The following EPB41L4A variants were observed in gnomAD, a reference collection of about 807,000 sequenced individuals.
EPB41L4A encodes the protein band 4.1-like protein 4A.
A neutral mutation model predicts 108.6 loss-of-function variants in EPB41L4A; 100 were observed. The ratio of observed to expected loss-of-function variants is 0.92; its 90% CI spans 0.78 to 1.09. EPB41L4A has a LOEUF of 1.09. Among genes scored for constraint, EPB41L4A ranks in the 50% least tolerant of loss-of-function variants. EPB41L4A has a pLI of 0.00. For synonymous variants in EPB41L4A, 319 were observed against 289.0 expected, an observed-to-expected ratio of 1.10 and a Z score of -1.05; for missense variants, 1,030 against 842.7, an observed-to-expected ratio of 1.22 and a Z score of -2.75.
At chr5:112,303,991 T>C (rs1754538722) in intron 2 of EPB41L4A, among the ~76,000 whole-genome samples, 1 of 151,898 alleles carries the variant, frequency 6.6e-6, no homozygotes, top group Non-Finnish European at 1.5e-5. Flanking sequence ...AGCAAGGTGG[T>C]AAGATCCAGC....
intron 17 of EPB41L4A, among the ~76,000 whole-genome samples, chr5:112,191,401 A>T (rs1328265514): frequency 6.6e-6 from 1 of 152,212 alleles, no homozygotes; most frequent in African/African-American, 2.4e-5. Flanking sequence ...ACTAAACAAC[A>T]ATCTTTGCTT....
chr5:112,329,127 G>A (rs1312427965), intron 1 of EPB41L4A, among the ~76,000 whole-genome samples: 5 of 152,014 alleles, frequency 3.3e-5, no homozygotes, highest in African/African-American at 4.8e-5. Context: ...AAATTGAGAT[G>A]TACTATAAAT....
At chr5:112,143,428 T>C (rs1012979121) in exon 14 of EPB41L4A, 1 of 152,868 alleles carries the variant, frequency 6.5e-6, no homozygotes, top group African/African-American at 2.4e-5. Flanking sequence ...GAAGTAATAG[T>C]TCATGACAGT....
chr5:112,164,226 A>G lies in EPB41L4A; in HGVS notation c.*764T>C, dbSNP rs1760090561. ...AACTGGTGGAACTTAACACCACAAAATAAAGTATTATAAAGAACTTTATAT... is the reference window on the plus strand; with the variant it reads ...AACTGGTGGAACTTAACACCACAAAGTAAAGTATTATAAAGAACTTTATAT... On this transcript the variant is annotated 3_prime_UTR_variant, in exon 23 of 23. Transcript: ENST00000261486. The G allele has an allele frequency of 6.6e-6, 1 of 152,256 alleles. No individual in the cohort carries two copies. The highest frequency in any genetic ancestry group is 1.5e-5 in the Non-Finnish European group (1 of 68,052). The allele number at this position is 152,256 out of a possible 1,614,324, so 9.4% of individuals were successfully genotyped here. A position where few individuals can be genotyped will look rare whatever the true frequency, so the allele number is the denominator to read the frequency against.
chr5:112,143,815 G>T (rs1271004924), exon 14 of EPB41L4A: 2 of 450,694 alleles, frequency 4.4e-6, no homozygotes, highest in Admixed American at 2.4e-5. Flanking sequence ...CCAAGGAGGT[G>T]GGGCTCTCTG....
chr5:112,147,538 G>A (rs902815729), intron 12 of EPB41L4A, among the ~76,000 whole-genome samples: 1 of 151,714 alleles, frequency 6.6e-6, no homozygotes, highest in African/African-American at 2.4e-5. Context: ...TACTTGGGAG[G>A]CTGAGGCAGT....
chr5:112,213,649 CA>C (rs1747407837), intron 12 of EPB41L4A, among the ~76,000 whole-genome samples: 1 of 152,172 alleles, frequency 6.6e-6, no homozygotes, highest in Non-Finnish European at 1.5e-5. Context: ...CCACCAAACC[CA>C]GCCAACATGT....
At position 112,300,071 on chromosome 5, in the gene EPB41L4A, T is replaced by C. The variant is rs557586114; in HGVS notation, c.204+7315A>G. Reference sequence around the variant, plus strand: ...AGGTGAGTCTCTTGAAGGCAGCAGATACCTGGTTGGTGAATTCTTATCCAT... The same window carrying C: ...AGGTGAGTCTCTTGAAGGCAGCAGACACCTGGTTGGTGAATTCTTATCCAT... On this transcript the variant is annotated intron_variant, in intron 2 of 22. Coordinates refer to ENST00000261486, the MANE Select transcript of EPB41L4A (RefSeq NM_022140.5). 2.6e-5 allele frequency among the ~76,000 whole-genome samples: 4 copies of C among 152,320 alleles called. No individual in the cohort carries two copies. The South Asian group carries it at 8.3e-4, about 32-fold the overall frequency.
intron 22 of EPB41L4A, among the ~76,000 whole-genome samples, chr5:112,168,390 T>G (rs560179257): frequency 1.4e-4 from 22 of 152,314 alleles, no homozygotes; most frequent in African/African-American, 5.1e-4. Context: ...GTCTATCACT[T>G]TCTCTTTGTT....
chr5:112,161,229 A>G (rs1202856799), downstream of EPB41L4A: 3 of 287,374 alleles, frequency 1.0e-5, no homozygotes, highest in African/African-American at 6.7e-5. Context: ...ATAACTTAAA[A>G]GCAGCGTGCC....
Position 112,184,061 on chromosome 5 carries a change from T to A in EPB41L4A, c.1577A>T (p.Asn526Ile), listed in dbSNP as rs75508009. The A allele has an allele frequency of 7.8e-3, 12,513 of 1,612,560 alleles. 56 individuals carry two copies. The highest frequency in any genetic ancestry group is 9.5e-3 in the Non-Finnish European group (11,143 of 1,178,860). ...TCGCCTGTTGTTGGGGTCGGCTTGG[T>A]TTTTTTCCTTTTGTCTCCTTAATAC... ...EAVLRRQKEK[N>I]QADPNNRRSR... Residue 526 changes from asparagine (N) to isoleucine (I), a missense_variant, in exon 18 of 23, where the codon AAC becomes ATC. Physicochemically the swap from Asn to Ile is moderately radical, Grantham distance 149. Coordinates refer to ENST00000261486, the MANE Select transcript of EPB41L4A (RefSeq NM_022140.5).
exon 14 of EPB41L4A, chr5:112,142,844 C>T (rs1410341388): frequency 6.6e-6 from 1 of 152,170 alleles, no homozygotes; most frequent in Non-Finnish European, 1.5e-5. Context: ...ATCCACTCTC[C>T]TTGACTTTTC....
rs549874594 is a variant in EPB41L4A, at chr5:112,294,647, A to T, written c.204+12739T>A. The stretch of plus-strand genomic sequence containing the variant: ...AAGGAAAAATGATGGAAGGGAAGAG[A>T]ACAAGAAGGGTGTTCAGGCAGGGGA... On this transcript the variant is annotated intron_variant, in intron 2 of 22. Coordinates refer to ENST00000261486, the MANE Select transcript of EPB41L4A (RefSeq NM_022140.5). Among the ~76,000 whole-genome samples the T allele has an allele frequency of 3.2e-4, 49 of 152,230 alleles. No individual in the cohort carries two copies. In the South Asian group the frequency reaches 0.01, roughly 32 times the overall value.
At chr5:112,215,379 T>C (rs1414916378) in intron 12 of EPB41L4A, among the ~76,000 whole-genome samples, 2 of 152,224 alleles carry the variant, frequency 1.3e-5, no homozygotes, top group East Asian at 1.9e-4. Context: ...ATCTGTATTT[T>C]ACTTCAAGTA....
At chr5:112,389,947 T>C (rs945113960) in intron 1 of EPB41L4A, among the ~76,000 whole-genome samples, 13 of 152,196 alleles carry the variant, frequency 8.5e-5, no homozygotes, top group Non-Finnish European at 1.3e-4. Context: ...AGGGATGGCA[T>C]GAAGGTATAA....
chr5:112,165,059 GTTGT>G lies in EPB41L4A; in HGVS notation c.1988_1991del (p.Asn663ThrfsTer11), dbSNP rs766129916. The G allele has an allele frequency of 6.8e-6, 11 of 1,612,362 alleles. No individual in the cohort carries two copies. The highest frequency in any genetic ancestry group is 9.3e-6 in the Non-Finnish European group (11 of 1,178,634). On this transcript the variant is annotated frameshift_variant, in exon 23 of 23. Transcript: ENST00000261486. LOFTEE classifies it high-confidence loss of function. ...TTTTTGCTGTGTGTTTTCCAGCCAG[GTTGT>G]TTGTAGATGTCTGAGGTTTTTCTTC... is the stretch of plus-strand genomic sequence containing the variant.
intron 1 of EPB41L4A, among the ~76,000 whole-genome samples, chr5:112,347,468 G>GT (rs1757754728): frequency 2.0e-5 from 3 of 152,192 alleles, no homozygotes; most frequent in African/African-American, 4.8e-5. Context: ...TTAATTACAG[G>GT]TTTTTTCACT....
At chr5:112,273,046 G>A (rs777675403) in intron 4 of EPB41L4A, among the ~76,000 whole-genome samples, 4 of 152,072 alleles carry the variant, frequency 2.6e-5, no homozygotes, top group Non-Finnish European at 4.4e-5. Flanking sequence ...CATATATCTG[G>A]AGATTTTGCT....
chr5:112,327,729 A>G (rs558747534), intron 1 of EPB41L4A, among the ~76,000 whole-genome samples: 147 of 152,184 alleles, frequency 9.7e-4, no homozygotes, highest in Middle Eastern at 6.8e-3. Flanking sequence ...AAAAAAAAAG[A>G]AAAGAATTAT....
Sources: allele counts gnomAD v4.1 joint callset (sites outside exome capture counted in the v4.1 genomes callset), GRCh38; gene constraint gnomAD v4.1.1; transcripts MANE v1.5; gene names NCBI Gene and HGNC (gene_info 2026-07-23, HGNC 2026-07-21).